Variants in TAFA1 observed in about 807,000 individuals in gnomAD.
TAFA1 encodes chemokine-like protein TAFA-1.
In TAFA1, 4 loss-of-function variants were observed where a neutral mutation model predicts 18.5. The observed-to-expected ratio is 0.22, with a 90% CI of 0.11 to 0.49. TAFA1 has a LOEUF of 0.49. Ranked by LOEUF, TAFA1 falls within the 20% of genes least tolerant of loss-of-function variation. The pLI, the probability that TAFA1 is intolerant of heterozygous loss-of-function variation, is 0.98. For missense variants in TAFA1, 147 were observed against 169.0 expected (o/e 0.87, Z 0.72); for synonymous variants, 56 against 55.2 (o/e 1.01, Z -0.06).
chr3:68,521,561 C>T (rs763558972), intron 3 of TAFA1, among the ~76,000 whole-genome samples: 1 of 152,030 alleles, frequency 6.6e-6, no homozygotes, highest in Non-Finnish European at 1.5e-5. Context: ...CCATAGAAGC[C>T]TAAAAGAAGG....
At chr3:68,295,106 A>AACCCATATATTT (rs1305639632) in intron 2 of TAFA1, among the ~76,000 whole-genome samples, 1 of 62,776 alleles carries the variant, frequency 1.6e-5, no homozygotes, top group Non-Finnish European at 2.9e-5. Flanking sequence ...CAACCTCCTG[A>AACCCATATATTT]GCCCTAACAG....
chr3:68,492,506 T>A (rs767963859), intron 3 of TAFA1, among the ~76,000 whole-genome samples: 1 of 152,206 alleles, frequency 6.6e-6, no homozygotes, highest in East Asian at 1.9e-4. Context: ...GATCTCTCCA[T>A]GAGTGAAAGA....
intron 3 of TAFA1, among the ~76,000 whole-genome samples, chr3:68,528,840 A>T (rs1162095807): frequency 6.6e-6 from 1 of 152,096 alleles, no homozygotes; most frequent in African/African-American, 2.4e-5. Flanking sequence ...CTTAGTGAAG[A>T]ATTGCCTTTT....
At chr3:68,167,609 A>G (rs2066000336) in intron 2 of TAFA1, among the ~76,000 whole-genome samples, 1 of 151,818 alleles carries the variant, frequency 6.6e-6, no homozygotes, top group Non-Finnish European at 1.5e-5. Context: ...AAGAAGAAAA[A>G]AGTTAAAAAT....
intron 2 of TAFA1, among the ~76,000 whole-genome samples, chr3:68,332,405 A>G (rs1337089714): frequency 6.6e-6 from 1 of 152,196 alleles, no homozygotes; most frequent in African/African-American, 2.4e-5. Context: ...AAGCAAAAAT[A>G]AATAATTAGA....
chr3:68,078,813 A>G lies in TAFA1; in HGVS notation c.118+72069A>G, dbSNP rs1258882901. ...TCTGCCTGGCTTTGGTATCAGAATG[A>G]TGCTGTCCTCATAAAATGAGTTAGG... On this transcript the variant is annotated intron_variant, in intron 2 of 4. Transcript: ENST00000478136. 2.0e-5 allele frequency among the ~76,000 whole-genome samples: 3 copies of G among 152,198 alleles called. No homozygotes were observed. The South Asian group carries it at 6.2e-4, about 32-fold the overall frequency.
intron 2 of TAFA1, among the ~76,000 whole-genome samples, chr3:68,036,705 G>T (rs115016613): frequency 6.8e-4 from 104 of 152,158 alleles, no homozygotes; most frequent in African/African-American, 2.4e-3. Flanking sequence ...ACTGGTGAAG[G>T]TGGGTCCCTT....
At chr3:68,277,270 A>G (rs1022087364) in intron 2 of TAFA1, among the ~76,000 whole-genome samples, 7 of 152,188 alleles carry the variant, frequency 4.6e-5, no homozygotes, top group Non-Finnish European at 8.8e-5. Flanking sequence ...CCTGAAAAAC[A>G]TTAACTTAAA....
At chr3:68,348,377 A>C (rs1214469373) in intron 2 of TAFA1, among the ~76,000 whole-genome samples, 1 of 152,158 alleles carries the variant, frequency 6.6e-6, no homozygotes, top group Non-Finnish European at 1.5e-5. Flanking sequence ...TCCAAGCCAG[A>C]GTACACAGTC....
chr3:68,279,693 A>T (rs971770620), intron 2 of TAFA1, among the ~76,000 whole-genome samples: 1 of 152,206 alleles, frequency 6.6e-6, no homozygotes, highest in Non-Finnish European at 1.5e-5. Context: ...TCATAAAAGC[A>T]TAGAAATGCC....
intron 2 of TAFA1, among the ~76,000 whole-genome samples, chr3:68,309,161 C>T (rs2068473140): frequency 6.6e-6 from 1 of 152,166 alleles, no homozygotes; most frequent in African/African-American, 2.4e-5. Flanking sequence ...CCTGAAAGCT[C>T]TGTAAAAGTG....
At chr3:68,106,868 G>A (rs1276786772) in intron 2 of TAFA1, among the ~76,000 whole-genome samples, 1 of 152,022 alleles carries the variant, frequency 6.6e-6, no homozygotes, top group Non-Finnish European at 1.5e-5. Flanking sequence ...AATTAAAACT[G>A]CAAGATATAA....
intron 2 of TAFA1, among the ~76,000 whole-genome samples, chr3:68,218,369 A>G (rs1372705621): frequency 3.9e-5 from 6 of 152,112 alleles, no homozygotes; most frequent in Non-Finnish European, 8.8e-5. Context: ...ATGTAGGTTA[A>G]TTAATTACAG....
chr3:68,034,041 A>T (rs1158280552), intron 2 of TAFA1, among the ~76,000 whole-genome samples: 1 of 152,204 alleles, frequency 6.6e-6, no homozygotes, highest in Non-Finnish European at 1.5e-5. Flanking sequence ...ATCGCTCTTC[A>T]CCTTTGACCT....
chr3:68,525,878 A>G (rs2106761919), intron 3 of TAFA1, among the ~76,000 whole-genome samples: 1 of 152,220 alleles, frequency 6.6e-6, no homozygotes, highest in South Asian at 2.1e-4. Context: ...CTGTATTAAC[A>G]CATTCTCAAG....
chr3:68,159,907 C>G (rs561103155), intron 2 of TAFA1, among the ~76,000 whole-genome samples: 1 of 152,180 alleles, frequency 6.6e-6, no homozygotes, highest in African/African-American at 2.4e-5. Context: ...TCGAAGCAGT[C>G]TTCTTAAGGG....
intron 2 of TAFA1, among the ~76,000 whole-genome samples, chr3:68,372,710 A>T (rs1326614124): frequency 6.6e-6 from 1 of 152,162 alleles, no homozygotes. Context: ...AACTGCAAAA[A>T]CCCACATGCA....
At chr3:68,109,621 C>T (rs1272851196) in intron 2 of TAFA1, among the ~76,000 whole-genome samples, 2 of 152,066 alleles carry the variant, frequency 1.3e-5, no homozygotes, top group African/African-American at 4.8e-5. Flanking sequence ...GGAGAAACTG[C>T]ATGACCAAGA....
At chr3:68,426,354 A>G (rs1278676580) in intron 3 of TAFA1, among the ~76,000 whole-genome samples, 3 of 151,886 alleles carry the variant, frequency 2.0e-5, no homozygotes, top group Non-Finnish European at 2.9e-5. Context: ...TTACAGAAAA[A>G]TATTTGGGTA....
Sources: allele counts gnomAD v4.1 joint callset (sites outside exome capture counted in the v4.1 genomes callset), GRCh38; gene constraint gnomAD v4.1.1; transcripts MANE v1.5; gene names NCBI Gene and HGNC (gene_info 2026-07-23, HGNC 2026-07-21).